The following GFRAL variants were observed in gnomAD, a reference collection of about 807,000 sequenced individuals.
The protein encoded by GFRAL is GDNF family receptor alpha like.
GFRAL carries 36 observed loss-of-function variants against 45.4 expected under a neutral mutation model. The observed-to-expected ratio is 0.79, with a 90% confidence interval of 0.61 to 1.05. The LOEUF is 1.05. GFRAL is among the 50% of genes least tolerant of loss of function. The probability of loss-of-function intolerance (pLI) is 0.00; values close to 1 mark genes in which losing one functional copy is unlikely to be tolerated. For synonymous variants in GFRAL, 166 were observed against 154.1 expected (o/e 1.08, Z -0.57); for missense variants, 507 against 467.5 (o/e 1.08, Z -0.78).
intron 3 of GFRAL, among the ~76,000 whole-genome samples, chr6:55,347,992 G>T (rs1221994524): frequency 7.1e-6 from 1 of 139,896 alleles, no homozygotes; most frequent in Non-Finnish European, 1.6e-5. Flanking sequence ...ACATATACAA[G>T]AGTTTAGTTT....
chr6:55,386,112 C>T (rs1768678806), intron 6 of GFRAL, among the ~76,000 whole-genome samples: 1 of 151,864 alleles, frequency 6.6e-6, no homozygotes, highest in Non-Finnish European at 1.5e-5. Context: ...TTTCTTTGCC[C>T]TTGAAAAAAG....
At chr6:55,400,948 T>A (rs6900273) in intron 8 of GFRAL, among the ~76,000 whole-genome samples, 23 of 152,014 alleles carry the variant, frequency 1.5e-4, no homozygotes, top group African/African-American at 5.3e-4. Flanking sequence ...ACATACAGAA[T>A]GTATAAAATT....
At chr6:55,339,451 A>T (rs1475051810) in intron 3 of GFRAL, among the ~76,000 whole-genome samples, 1 of 152,194 alleles carries the variant, frequency 6.6e-6, no homozygotes, top group Non-Finnish European at 1.5e-5. Context: ...AGAGATATAG[A>T]GGTTTATGAG....
chr6:55,345,988 G>T (rs570406278), intron 3 of GFRAL, among the ~76,000 whole-genome samples: 2 of 151,612 alleles, frequency 1.3e-5, no homozygotes, highest in South Asian at 4.2e-4. Flanking sequence ...AAACCACAAT[G>T]AGATACCATC....
chr6:55,351,254 A>T lies in GFRAL; in HGVS notation c.372A>T (p.Gly124=), dbSNP rs200048676. Residue 124 remains glycine (G), a splice_region_variant and synonymous_variant, in exon 5 of 9, where the codon GGA becomes GGT. Coordinates refer to ENST00000340465, the MANE Select transcript of GFRAL (RefSeq NM_207410.2). ...ACCTGGGCATATCATTGCTTTCAGG[A>T]TTCAAAGGGATGTGGTCCTGTTTGG... ...KWNLTTRSHH[G]FKGMWSCLEV... The T allele has an allele frequency of 6.3e-7, 1 of 1,578,004 alleles. No homozygotes were observed. The highest frequency in any genetic ancestry group is 1.3e-5 in the African/African-American group (1 of 74,082).
intron 3 of GFRAL, among the ~76,000 whole-genome samples, chr6:55,348,515 C>T (rs537179905): frequency 4.6e-4 from 70 of 151,954 alleles, no homozygotes; most frequent in Non-Finnish European, 8.4e-4. Context: ...TTCCGGATTA[C>T]GAAAAATCTC....
chr6:55,369,679 A>T (rs927841984), intron 6 of GFRAL, among the ~76,000 whole-genome samples: 1 of 89,522 alleles, frequency 1.1e-5, no homozygotes, highest in African/African-American at 4.5e-5. Flanking sequence ...GTGCATTTTT[A>T]AATTTGGTAG....
chr6:55,357,005 A>C (rs965491365), intron 5 of GFRAL, among the ~76,000 whole-genome samples: 2 of 151,892 alleles, frequency 1.3e-5, no homozygotes, highest in Non-Finnish European at 2.9e-5. Context: ...TAGTTTTCAA[A>C]GTTCCTCTTG....
chr6:55,396,361 T>A (rs1401085475), intron 6 of GFRAL, among the ~76,000 whole-genome samples: 1 of 152,196 alleles, frequency 6.6e-6, no homozygotes, highest in African/African-American at 2.4e-5. Flanking sequence ...TTAAGGCAGT[T>A]ACATATCTAA....
At chr6:55,343,087 A>C (rs1361286514) in intron 3 of GFRAL, among the ~76,000 whole-genome samples, 1 of 152,162 alleles carries the variant, frequency 6.6e-6, no homozygotes, top group East Asian at 1.9e-4. Flanking sequence ...GGGAGATTTT[A>C]ACACCCCACT....
chr6:55,359,991 A>G, intron 6 of GFRAL, among the ~76,000 whole-genome samples: 1 of 152,024 alleles, frequency 6.6e-6, no homozygotes, highest in East Asian at 1.9e-4. Flanking sequence ...CTTGGTCTTT[A>G]ACATGTCTGC....
At chr6:55,386,463 G>A (rs1035451212) in intron 6 of GFRAL, among the ~76,000 whole-genome samples, 1 of 152,064 alleles carries the variant, frequency 6.6e-6, no homozygotes, top group African/African-American at 2.4e-5. Context: ...AAGTGAATGC[G>A]TGTCTGTTGG....
chr6:55,373,254 T>G (rs1233910805), intron 6 of GFRAL, among the ~76,000 whole-genome samples: 1 of 152,124 alleles, frequency 6.6e-6, no homozygotes, highest in Non-Finnish European at 1.5e-5. Context: ...GGCTCCTATT[T>G]TATCCTCTGA....
At chr6:55,332,357 T>C (rs1562046704) in intron 2 of GFRAL, among the ~76,000 whole-genome samples, 1 of 152,094 alleles carries the variant, frequency 6.6e-6, no homozygotes, top group Non-Finnish European at 1.5e-5. Flanking sequence ...TCCAAACATT[T>C]GTGGGGAGGT....
At chr6:55,368,185 A>T (rs1047342851) in intron 6 of GFRAL, among the ~76,000 whole-genome samples, 8 of 151,642 alleles carry the variant, frequency 5.3e-5, no homozygotes, top group African/African-American at 1.7e-4. Context: ...ACTTCATTTC[A>T]TTCATTTCAT....
intron 1 of GFRAL, among the ~76,000 whole-genome samples, chr6:55,330,370 G>A (rs183764639): frequency 1.3e-5 from 2 of 152,142 alleles, no homozygotes; most frequent in African/African-American, 2.4e-5. Context: ...ACAATCCAGT[G>A]GTGGAGACAG....
At chr6:55,345,335 C>A (rs1768024500) in intron 3 of GFRAL, among the ~76,000 whole-genome samples, 1 of 152,074 alleles carries the variant, frequency 6.6e-6, no homozygotes, top group Non-Finnish European at 1.5e-5. Flanking sequence ...GGTACTGGTA[C>A]CAAAACAGAG....
At chr6:55,396,935 A>G (rs1768833340) in intron 6 of GFRAL, among the ~76,000 whole-genome samples, 1 of 134,048 alleles carries the variant, frequency 7.5e-6, no homozygotes, top group Non-Finnish European at 1.5e-5. Flanking sequence ...GCTGGAGTGT[A>G]GTGGCTTGAT....
rs974554339 is a variant in GFRAL at position 55,401,988 on chromosome 6, T to G, written c.*135T>G. 3 of 584,548 alleles carry G rather than the reference T, an allele frequency of 5.1e-6. No individual in the cohort carries two copies. The highest frequency in any genetic ancestry group is 5.9e-6 in the Non-Finnish European group (2 of 340,758). 36.2% of individuals were successfully genotyped at this position (584,548 alleles called of 1,614,324 possible). ...TCTGTTTCTTTTTCTTTTTCTTTTCTTTTTTGTGGCGGAGTTTTGCTCTTG... is the reference window on the plus strand; with the variant it reads ...TCTGTTTCTTTTTCTTTTTCTTTTCGTTTTTGTGGCGGAGTTTTGCTCTTG... On this transcript the variant is annotated 3_prime_UTR_variant, in exon 9 of 9. Transcript: ENST00000340465.
Sources: allele counts gnomAD v4.1 joint callset (sites outside exome capture counted in the v4.1 genomes callset), GRCh38; gene constraint gnomAD v4.1.1; transcripts MANE v1.5; gene names NCBI Gene and HGNC (gene_info 2026-07-23, HGNC 2026-07-21).